BRINP3: variants seen among roughly 807,000 people sequenced by gnomAD.
BRINP3 encodes BMP/retinoic acid-inducible neural-specific protein 3.
In BRINP3, 19 loss-of-function variants were observed where a neutral mutation model predicts 71.0. That is an observed-to-expected ratio of 0.27 (90% CI 0.19 to 0.39). The LOEUF (loss-of-function observed/expected upper bound fraction) is 0.39, where lower values mean the gene tolerates loss of function less well. BRINP3 is among the 10% of genes least tolerant of loss of function. The pLI is 1.00. For missense variants in BRINP3, 959 were observed against 940.8 expected (o/e 1.02, Z -0.25); for synonymous variants, 380 against 337.7 (o/e 1.13, Z -1.37).
intron 2 of BRINP3, among the ~76,000 whole-genome samples, chr1:190,355,005 G>A (rs1026682450): frequency 6.6e-6 from 1 of 151,546 alleles, no homozygotes; most frequent in African/African-American, 2.4e-5. Context: ...CTCTATCCTA[G>A]TCTTTCTAAA....
chr1:190,138,202 C>A (rs764623192), intron 7 of BRINP3, among the ~76,000 whole-genome samples: 6 of 152,070 alleles, frequency 3.9e-5, no homozygotes, highest in Non-Finnish European at 7.4e-5. Context: ...GATCTGCCCA[C>A]CTTGGCCTCC....
chr1:190,454,294 A>G (rs2102627046), intron 2 of BRINP3, among the ~76,000 whole-genome samples: 1 of 152,326 alleles, frequency 6.6e-6, no homozygotes, highest in Non-Finnish European at 1.5e-5. Context: ...AGGCTGAAAA[A>G]GGTAACATAG....
At chr1:190,371,552 TATC>T (rs1032181743) in intron 2 of BRINP3, among the ~76,000 whole-genome samples, 1 of 152,198 alleles carries the variant, frequency 6.6e-6, no homozygotes, top group African/African-American at 2.4e-5. Flanking sequence ...TTTATGCCAT[TATC>T]ATGATGCTTT....
chr1:190,467,970 T>C (rs1268792489), intron 1 of BRINP3, among the ~76,000 whole-genome samples: 1 of 151,494 alleles, frequency 6.6e-6, no homozygotes, highest in Non-Finnish European at 1.5e-5. Flanking sequence ...TCTTAGCATG[T>C]CATGCACAAA....
At chr1:190,327,070 C>T (rs2103067591) in intron 2 of BRINP3, among the ~76,000 whole-genome samples, 1 of 150,302 alleles carries the variant, frequency 6.7e-6, no homozygotes, top group East Asian at 2.0e-4. Context: ...AATCTCAGCG[C>T]TTTGGGAGGC....
At chr1:190,411,927 A>T (rs1672693450) in intron 2 of BRINP3, among the ~76,000 whole-genome samples, 1 of 152,164 alleles carries the variant, frequency 6.6e-6, no homozygotes, top group Admixed American at 6.5e-5. Context: ...GAGTGGAGCT[A>T]GGAAAAAAAT....
intron 6 of BRINP3, among the ~76,000 whole-genome samples, chr1:190,190,815 A>T (rs1653972067): frequency 6.6e-6 from 1 of 152,146 alleles, no homozygotes; most frequent in Admixed American, 6.6e-5. Flanking sequence ...TTATAAAATT[A>T]CTTGGTCATC....
At chr1:190,290,564 A>C (rs1663783988) in intron 2 of BRINP3, among the ~76,000 whole-genome samples, 1 of 152,108 alleles carries the variant, frequency 6.6e-6, no homozygotes, top group Non-Finnish European at 1.5e-5. Context: ...TTGGTAGGCA[A>C]AAACAACTTT....
chr1:190,232,995 T>C (rs963004801), intron 5 of BRINP3, among the ~76,000 whole-genome samples: 3 of 152,206 alleles, frequency 2.0e-5, no homozygotes, highest in African/African-American at 7.2e-5. Flanking sequence ...GGATAACATT[T>C]AAATTGTTAA....
At chr1:190,195,908 A>C (rs1654436942) in intron 6 of BRINP3, among the ~76,000 whole-genome samples, 1 of 151,996 alleles carries the variant, frequency 6.6e-6, no homozygotes, top group African/African-American at 2.4e-5. Context: ...TTATTCTTAA[A>C]CTCATGTTCA....
At chr1:190,110,412 T>G (rs566969356) in intron 7 of BRINP3, among the ~76,000 whole-genome samples, 29 of 152,324 alleles carry the variant, frequency 1.9e-4, no homozygotes, top group African/African-American at 6.7e-4. Context: ...GTCTGAAACA[T>G]TTTAGGCAGC....
chr1:190,308,844 C>A (rs2103019109), intron 2 of BRINP3, among the ~76,000 whole-genome samples: 1 of 151,892 alleles, frequency 6.6e-6, no homozygotes, highest in East Asian at 1.9e-4. Context: ...TCTAAAGTTA[C>A]AACTAAAATG....
intron 2 of BRINP3, among the ~76,000 whole-genome samples, chr1:190,405,602 A>ATAAAT (rs1672233294): frequency 2.0e-5 from 3 of 151,970 alleles, no homozygotes; most frequent in Non-Finnish European, 1.5e-5. Flanking sequence ...GGCTTACCAT[A>ATAAAT]TAAATTAGTG....
At position 190,099,027 on chromosome 1, in the gene BRINP3, T is replaced by A. The variant is rs184678235; in HGVS notation, c.1292A>T (p.Asp431Val). ...CAGGAACGCGGTGCAGACCACCTGG[T>A]CATTCGGACACGTGCACGAGTGCGT... ...EETHSCTCPN[D>V]QVVCTAFLPC... Residue 431 changes from aspartate to valine, a missense_variant, in exon 8 of 8, where the codon GAC becomes GTC. Coordinates refer to ENST00000367462, the MANE Select transcript of BRINP3 (RefSeq NM_199051.3). 1.4e-5 allele frequency: 23 copies of A among 1,614,130 alleles called. No individual in the cohort carries two copies. The East Asian group carries it at 4.7e-4, about 33-fold the overall frequency.
intron 7 of BRINP3, among the ~76,000 whole-genome samples, chr1:190,110,632 A>G (rs1652583703): frequency 6.6e-6 from 1 of 152,186 alleles, no homozygotes; most frequent in Admixed American, 6.5e-5. Context: ...TGTAGTATAA[A>G]TGGAATTCTG....
chr1:190,180,134 C>T (rs371398650), intron 6 of BRINP3, among the ~76,000 whole-genome samples: 1 of 152,152 alleles, frequency 6.6e-6, no homozygotes. Flanking sequence ...AATAATTGTT[C>T]TGCACACAAA....
At chr1:190,301,220 T>TATATATATATAC (rs1664705664) in intron 2 of BRINP3, among the ~76,000 whole-genome samples, 1 of 118,050 alleles carries the variant, frequency 8.5e-6, no homozygotes. Flanking sequence ...TATATATATA[T>TATATATATATAC]ATATATATAT....
At chr1:190,193,236 T>A (rs1298759288) in intron 6 of BRINP3, among the ~76,000 whole-genome samples, 1 of 150,916 alleles carries the variant, frequency 6.6e-6, no homozygotes, top group African/African-American at 2.4e-5. Flanking sequence ...TTTGTGATAT[T>A]AAAAAAAAAT....
At chr1:190,384,380 G>A (rs539397314) in intron 2 of BRINP3, among the ~76,000 whole-genome samples, 2 of 151,684 alleles carry the variant, frequency 1.3e-5, no homozygotes, top group Non-Finnish European at 1.5e-5. Flanking sequence ...ATTATTTTAA[G>A]TAATGAAAAC....
Sources: gnomAD v4.1 joint callset for allele counts (sites outside exome capture counted in the v4.1 genomes callset) on GRCh38, gnomAD v4.1.1 for gene constraint, MANE v1.5 for transcripts, NCBI Gene and HGNC (gene_info 2026-07-23, HGNC 2026-07-21) for gene names.